COL4A6: variants seen among roughly 807,000 people sequenced by gnomAD.
The protein encoded by COL4A6 is collagen alpha-6(IV) chain.
A neutral mutation model predicts 126.7 loss-of-function variants in COL4A6; 59 were observed. The observed-to-expected ratio is 0.47, with a 90% CI of 0.38 to 0.58. COL4A6 has a LOEUF of 0.58. Among genes scored for constraint, COL4A6 ranks in the 20% least tolerant of loss-of-function variants. The pLI, the probability that COL4A6 is intolerant of heterozygous loss-of-function variation, is 0.00. For missense variants in COL4A6, 1,285 were observed against 1,337.3 expected (o/e 0.96, Z 0.61); for synonymous variants, 547 against 496.6 (o/e 1.10, Z -1.35).
At chrX:108,253,860 T>C (rs761925403) in intron 3 of COL4A6, among the ~76,000 whole-genome samples, 2 of 111,971 alleles carry the variant, frequency 1.8e-5, no homozygotes, top group Non-Finnish European at 3.8e-5. Context: ...ATCTGTCAGA[T>C]AGCCCATTAC....
intron 2 of COL4A6, among the ~76,000 whole-genome samples, chrX:108,414,292 T>C (rs1369856309): frequency 1.8e-5 from 2 of 111,779 alleles, no homozygotes; most frequent in Admixed American, 1.9e-4. Flanking sequence ...AAGTGTATTC[T>C]ACATAAGTGT....
At chrX:108,174,095 A>G (rs1225431615) in intron 31 of COL4A6, among the ~76,000 whole-genome samples, 3 of 112,333 alleles carry the variant, frequency 2.7e-5, no homozygotes, top group Admixed American at 9.4e-5. Flanking sequence ...ACTAGAATTG[A>G]TGTCAGCAGT....
intron 2 of COL4A6, among the ~76,000 whole-genome samples, chrX:108,331,712 C>A (rs2039305640): frequency 9.0e-6 from 1 of 111,292 alleles, no homozygotes; most frequent in African/African-American, 3.3e-5. Context: ...ACGTTGCTGT[C>A]TAAAGTCCAA....
chrX:108,433,605 A>G (rs754574870), intron 2 of COL4A6, among the ~76,000 whole-genome samples: 1 of 109,507 alleles, frequency 9.1e-6, no homozygotes, highest in Admixed American at 9.7e-5. Context: ...CTCACCTGCA[A>G]CCTCCAACTC....
rs751110376 is a variant in COL4A6, at chrX:108,170,921, T to C, written c.3278-4A>G. The C allele has an allele frequency of 4.2e-6, 5 of 1,192,104 alleles. No homozygotes were observed. The African/African-American group carries it at 5.3e-5, about 13-fold the overall frequency. On this transcript the variant is annotated splice_region_variant and splice_polypyrimidine_tract_variant and intron_variant, in intron 33 of 44. Transcript: ENST00000334504. The stretch of plus-strand genomic sequence containing the variant: ...AGTCCATCTCTTCCTTTTGTGCCTA[T>C]AAAACCAAGAAAAATGCTGAGTGAT...
chrX:108,237,882 CTATCTA>C (rs2036471270), intron 3 of COL4A6, among the ~76,000 whole-genome samples: 1 of 106,614 alleles, frequency 9.4e-6, no homozygotes, highest in Non-Finnish European at 1.9e-5. Flanking sequence ...ATCTATCTAT[CTATCTA>C]TCTATCTATC....
intron 2 of COL4A6, among the ~76,000 whole-genome samples, chrX:108,391,781 G>T (rs1169887152): frequency 8.9e-6 from 1 of 112,465 alleles, no homozygotes; most frequent in African/African-American, 3.2e-5. Context: ...CCGACCCCTT[G>T]TGCTTCCTGT....
intron 2 of COL4A6, chrX:108,383,616 CA>C: frequency 1.9e-6 from 1 of 537,819 alleles, no homozygotes; most frequent in Non-Finnish European, 3.2e-6. Context: ...AAGGATGCCC[CA>C]AAATGGGGCA....
At chrX:108,337,253 C>A (rs2039453956) in intron 2 of COL4A6, among the ~76,000 whole-genome samples, 1 of 111,378 alleles carries the variant, frequency 9.0e-6, no homozygotes, top group Non-Finnish European at 1.9e-5. Context: ...CAGGTAACCT[C>A]ATTTCTCTGG....
intron 3 of COL4A6, among the ~76,000 whole-genome samples, chrX:108,262,232 G>T (rs1464700269): frequency 1.8e-5 from 2 of 111,081 alleles, no homozygotes; most frequent in Non-Finnish European, 3.8e-5. Context: ...TCTGAACCAG[G>T]TGCTAATGTA....
rs967827482 is a variant in COL4A6 at position 108,182,926 on chromosome X, T to C, written c.1952-1958A>G. Among the ~76,000 whole-genome samples the C allele has an allele frequency of 4.4e-5, 5 of 112,513 alleles. No homozygotes were observed. The East Asian group carries it at 1.4e-3, about 31-fold the overall frequency. On this transcript the variant is annotated intron_variant, in intron 23 of 44. Transcript: ENST00000334504. The stretch of plus-strand genomic sequence containing the variant: ...AGATAAAAACAAAGCCTTTAGAATA[T>C]GAAGCTGAGGACAGGCATCCAGAAA...
chrX:108,353,750 A>G (rs1222813464), intron 2 of COL4A6, among the ~76,000 whole-genome samples: 1 of 112,340 alleles, frequency 8.9e-6, no homozygotes, highest in African/African-American at 3.2e-5. Context: ...ATATTATGGA[A>G]GTAGTGGGAA....
intron 3 of COL4A6, among the ~76,000 whole-genome samples, chrX:108,285,702 A>G (rs1013845726): frequency 2.7e-5 from 3 of 111,850 alleles, no homozygotes; most frequent in African/African-American, 9.8e-5. Context: ...TTGCCTGATA[A>G]AAACAGATCA....
chrX:108,377,893 G>GATCAC (rs2040476938), intron 2 of COL4A6, among the ~76,000 whole-genome samples: 1 of 83,984 alleles, frequency 1.2e-5, no homozygotes, highest in African/African-American at 4.8e-5. Context: ...AGTGAGCCGA[G>GATCAC]ATCACGCCAC....
At chrX:108,435,989 C>T (rs1019721205) in intron 2 of COL4A6, among the ~76,000 whole-genome samples, 1 of 111,217 alleles carries the variant, frequency 9.0e-6, no homozygotes, top group Non-Finnish European at 1.9e-5. Context: ...GAGAACCAGC[C>T]CGTATAGATA....
chrX:108,194,951 A>G (rs1022351194), intron 15 of COL4A6, 131 bp downstream of exon 15: 1 of 540,585 alleles, frequency 1.8e-6, no homozygotes, highest in African/African-American at 2.3e-5. Flanking sequence ...GGCTAAGATT[A>G]TACCAAAAAA....
intron 2 of COL4A6, among the ~76,000 whole-genome samples, chrX:108,417,510 T>C (rs980798536): frequency 8.9e-6 from 1 of 111,942 alleles, no homozygotes; most frequent in Admixed American, 9.5e-5. Context: ...GTTTCTATTC[T>C]GAAGTCAGTT....
At chrX:108,297,318 C>T (rs901573201) in intron 3 of COL4A6, among the ~76,000 whole-genome samples, 2 of 111,795 alleles carry the variant, frequency 1.8e-5, no homozygotes, top group Non-Finnish European at 3.8e-5. Flanking sequence ...TCTCAAGTCA[C>T]AGATAAATAA....
At chrX:108,387,841 T>A (rs1269452381) in intron 2 of COL4A6, among the ~76,000 whole-genome samples, 1 of 112,238 alleles carries the variant, frequency 8.9e-6, no homozygotes, top group Non-Finnish European at 1.9e-5. Context: ...AGTATGATAT[T>A]GGCTATGGGT....
Sources: gnomAD v4.1 joint callset for allele counts (sites outside exome capture counted in the v4.1 genomes callset) on GRCh38, gnomAD v4.1.1 for gene constraint, MANE v1.5 for transcripts, NCBI Gene and HGNC (gene_info 2026-07-23, HGNC 2026-07-21) for gene names.